Variants in MTCL1 observed in about 807,000 individuals in gnomAD.
MTCL1 encodes the protein microtubule cross-linking factor 1.
Under a neutral mutation model 141.4 loss-of-function variants are expected in MTCL1, and 79 were observed. The ratio of observed to expected loss-of-function variants is 0.56; its 90% CI spans 0.47 to 0.67. The LOEUF (loss-of-function observed/expected upper bound fraction) is 0.67. Among genes scored for constraint, MTCL1 ranks in the 30% least tolerant of loss-of-function variants. The pLI is 0.00. For synonymous variants in MTCL1, 914 were observed against 875.8 expected (o/e 1.04, Z -0.77); for missense variants, 2,177 against 2,113.9 (o/e 1.03, Z -0.59).
chr18:8,706,730 C>T lies in MTCL1; in HGVS notation c.1053+17C>T, dbSNP rs2096059766. 3.9e-6 allele frequency: 6 copies of T among 1,543,716 alleles called. No homozygotes were observed. In the Middle Eastern group the frequency reaches 6.8e-4, roughly 176 times the overall value. On this transcript the variant is annotated intron_variant, in intron 1 of 13. Coordinates refer to the MTCL1 transcript ENST00000306329. ...TATCTCAAGGTGAGCCGCGCCTCGGCCGCAGGTGTCCCGGGGCGCCCCCGG... is the reference window on the plus strand; with the variant it reads ...TATCTCAAGGTGAGCCGCGCCTCGGTCGCAGGTGTCCCGGGGCGCCCCCGG...
intron 4 of MTCL1, among the ~76,000 whole-genome samples, chr18:8,754,561 T>G (rs2096387788): frequency 6.6e-6 from 1 of 152,156 alleles, no homozygotes; most frequent in South Asian, 2.1e-4. Flanking sequence ...TGCCTGGTAA[T>G]GAGATACCAG....
intron 4 of MTCL1, among the ~76,000 whole-genome samples, chr18:8,720,759 A>G (rs574246116): frequency 6.6e-6 from 1 of 152,352 alleles, no homozygotes; most frequent in African/African-American, 2.4e-5. Context: ...CAAAGCCTAA[A>G]ATATTTTCTA....
chr18:8,783,530 G>A, exon 6 of MTCL1: 1 of 1,597,420 alleles, frequency 6.3e-7, no homozygotes, highest in Non-Finnish European at 8.6e-7. Flanking sequence ...CTCCTGGCAG[G>A]ATGACAGTGC....
chr18:8,730,811 T>G (rs2148864819), intron 4 of MTCL1, among the ~76,000 whole-genome samples: 1 of 152,358 alleles, frequency 6.6e-6, no homozygotes, highest in East Asian at 1.9e-4. Flanking sequence ...AAGATCCATC[T>G]ATTTCTCTCC....
intron 16 of MTCL1, chr18:8,829,563 C>T: frequency 1.0e-6 from 1 of 982,362 alleles, no homozygotes; most frequent in Non-Finnish European, 1.2e-6. Flanking sequence ...ATCTTGAGAC[C>T]TTCCCTCAGA....
chr18:8,792,734 ATGG>A (rs901913754), intron 7 of MTCL1, among the ~76,000 whole-genome samples: 4 of 152,244 alleles, frequency 2.6e-5, no homozygotes, highest in Admixed American at 1.3e-4. Flanking sequence ...GTTTGTGGTT[ATGG>A]TGGTGGGTGA....
exon 15 of MTCL1, chr18:8,826,072 C>A: frequency 6.2e-7 from 1 of 1,610,956 alleles, no homozygotes; most frequent in Non-Finnish European, 8.5e-7. Context: ...TTATCTGCTC[C>A]CCCTGGCTAC....
chr18:8,755,693 C>T lies in MTCL1; in HGVS notation c.358-22140C>T, dbSNP rs980496189. Among the ~76,000 whole-genome samples the T allele has an allele frequency of 3.2e-4, 48 of 152,320 alleles. 1 individual carries two copies. Among genetic ancestry groups the T allele is most frequent in the African/African-American group, 1.2e-3 (48 of 41,548 alleles). On this transcript the variant is annotated intron_variant, in intron 4 of 16. Transcript: ENST00000359865. ...CCACCTTTAAAAGACAGACTATCAT[C>T]CTCTTTCAGAGAATATAGTCCAATC... is the stretch of plus-strand genomic sequence containing the variant.
intron 16 of MTCL1, 127 bp from the exon 15 acceptor site, chr18:8,831,480 T>C: frequency 1.4e-6 from 2 of 1,450,352 alleles, no homozygotes; most frequent in Non-Finnish European, 1.8e-6. Context: ...AAGTAGTTAA[T>C]ATTCACGAGT....
chr18:8,784,885 C>A, intron 6 of MTCL1, 42 bp downstream of exon 5: 2 of 1,493,942 alleles, frequency 1.3e-6, no homozygotes, highest in South Asian at 1.3e-5. Context: ...CCGCCTTGCT[C>A]TTCCTCCTTC....
chr18:8,825,024 GAGCACTGC>G lies in MTCL1; in HGVS notation c.3515_3522del (p.Glu1172AlafsTer37). 1 of 1,613,140 alleles carries G rather than the reference GAGCACTGC, an allele frequency of 6.2e-7. No homozygotes were observed. Among genetic ancestry groups the G allele is most frequent in the Non-Finnish European group, 8.5e-7 (1 of 1,180,032 alleles). ...GACCACGGACACCATGACCAGCCCA[GAGCACTGC>G]CAGAAGCAGCCACTGCGGAGCCACG... On this transcript the variant is annotated frameshift_variant, in exon 15 of 17. Coordinates refer to ENST00000359865, the Ensembl canonical transcript of MTCL1. LOFTEE classifies it high-confidence loss of function.
intron 7 of MTCL1, 26 bp downstream of exon 6, chr18:8,786,117 C>G (rs1568035389): frequency 1.4e-6 from 2 of 1,394,760 alleles, no homozygotes; most frequent in South Asian, 1.3e-5. Flanking sequence ...CAATCCCCCC[C>G]CCCCGCCCTC....
chr18:8,720,577 T>C (rs2096163960), intron 4 of MTCL1, 81 bp downstream of exon 3: 1 of 1,419,690 alleles, frequency 7.0e-7, no homozygotes, highest in African/African-American at 1.4e-5. Context: ...CTTCTCATTG[T>C]GGTCGAAAGC....
chr18:8,748,384 A>C (rs1598477150), intron 4 of MTCL1, among the ~76,000 whole-genome samples: 1 of 152,086 alleles, frequency 6.6e-6, no homozygotes, highest in East Asian at 1.9e-4. Context: ...TCTCTACCAA[A>C]ATTTAAAAAT....
At chr18:8,781,955 A>C (rs1001473496) in intron 5 of MTCL1, 4 of 152,306 alleles carry the variant, frequency 2.6e-5, no homozygotes, top group Admixed American at 2.0e-4. Flanking sequence ...ACTTGGTCGT[A>C]GGTGTTGGGC....
intron 15 of MTCL1, among the ~76,000 whole-genome samples, chr18:8,827,783 G>A (rs1158850910): frequency 6.6e-6 from 1 of 152,178 alleles, no homozygotes; most frequent in African/African-American, 2.4e-5. Flanking sequence ...CCAAAAAAAT[G>A]CTTTGAATTA....
chr18:8,797,472 G>A (rs759240673), intron 9 of MTCL1, among the ~76,000 whole-genome samples: 1 of 152,212 alleles, frequency 6.6e-6, no homozygotes, highest in Non-Finnish European at 1.5e-5. Flanking sequence ...CTTGCTTCCT[G>A]GCACACCCGG....
chr18:8,760,859 A>AT (rs2096428597), intron 4 of MTCL1, among the ~76,000 whole-genome samples: 1 of 152,188 alleles, frequency 6.6e-6, no homozygotes, highest in South Asian at 2.1e-4. Context: ...TTTTAGAAAT[A>AT]TTTTTCCACA....
At position 8,796,225 on chromosome 18, in the gene MTCL1, A is replaced by G. The variant is rs16954188; in HGVS notation, c.2011-7A>G. The G allele has an allele frequency of 3.1e-6, 5 of 1,613,920 alleles. No individual in the cohort carries two copies. Among genetic ancestry groups the G allele is most frequent in the Non-Finnish European group, 4.2e-6 (5 of 1,179,974 alleles). On this transcript the variant is annotated splice_polypyrimidine_tract_variant and splice_region_variant and intron_variant, in intron 8 of 16. Transcript: ENST00000359865. ...CTTGTCACACTGTCTCTCTTATTCC[A>G]TTCAAGATGGAGGAGGAGCACCTCT...
Sources: allele counts gnomAD v4.1 joint callset (sites outside exome capture counted in the v4.1 genomes callset), GRCh38; gene constraint gnomAD v4.1.1; transcripts MANE v1.5; gene names NCBI Gene and HGNC (gene_info 2026-07-23, HGNC 2026-07-21).